KIF13B: variants seen among roughly 807,000 people sequenced by gnomAD.
KIF13B encodes kinesin-like protein KIF13B.
KIF13B carries 127 observed loss-of-function variants against 222.0 expected under a neutral mutation model. The ratio of observed to expected loss-of-function variants is 0.57; its 90% CI spans 0.50 to 0.66. The LOEUF is 0.66. Ranked by LOEUF, KIF13B falls within the 30% of genes least tolerant of loss-of-function variation. KIF13B has a pLI of 0.00. For missense variants in KIF13B, 2,173 were observed against 2,379.0 expected, an observed-to-expected ratio of 0.91 and a Z score of 1.80; for synonymous variants, 976 against 919.0, an observed-to-expected ratio of 1.06 and a Z score of -1.12.
At chr8:29,174,759 T>C (rs548643518) in intron 10 of KIF13B, among the ~76,000 whole-genome samples, 1 of 152,234 alleles carries the variant, frequency 6.6e-6, no homozygotes, top group African/African-American at 2.4e-5. Flanking sequence ...TACTGAATTT[T>C]AGCATTACAT....
chr8:29,154,458 T>C (rs375618338), intron 14 of KIF13B, among the ~76,000 whole-genome samples: 1 of 152,198 alleles, frequency 6.6e-6, no homozygotes, highest in East Asian at 1.9e-4. Context: ...ATTTTGGCTC[T>C]GGGTGGATGA....
At chr8:29,192,017 G>A (rs569068676) in intron 3 of KIF13B, among the ~76,000 whole-genome samples, 3 of 152,314 alleles carry the variant, frequency 2.0e-5, no homozygotes, top group East Asian at 3.9e-4. Flanking sequence ...TTAGCAGGGA[G>A]TGTTTATTTT....
At chr8:29,125,203 G>A (rs1206472232) in intron 26 of KIF13B, among the ~76,000 whole-genome samples, 2 of 152,058 alleles carry the variant, frequency 1.3e-5, no homozygotes, top group African/African-American at 4.8e-5. Flanking sequence ...TGCATTTTGT[G>A]GGGCAACAGG....
chr8:29,213,041 T>C (rs1814301525), intron 2 of KIF13B, among the ~76,000 whole-genome samples: 1 of 152,244 alleles, frequency 6.6e-6, no homozygotes, highest in Non-Finnish European at 1.5e-5. Context: ...TAAGAAGTAG[T>C]ACTCTGCACT....
At chr8:29,245,032 C>T (rs999625555) in intron 2 of KIF13B, among the ~76,000 whole-genome samples, 1 of 152,184 alleles carries the variant, frequency 6.6e-6, no homozygotes, top group Non-Finnish European at 1.5e-5. Flanking sequence ...GCTAAGGAAC[C>T]GACTTACATC....
chr8:29,136,505 G>C (rs1364233260), intron 21 of KIF13B, among the ~76,000 whole-genome samples: 1 of 152,036 alleles, frequency 6.6e-6, no homozygotes, highest in Non-Finnish European at 1.5e-5. Context: ...ACTTGAATCC[G>C]GGAGGAGGTG....
In KIF13B at chr8:29,188,524, C is replaced by A. The variant is rs1436255257; in HGVS notation, c.307G>T (p.Gly103Ter). 1 of 1,597,944 alleles carries A rather than the reference C, an allele frequency of 6.3e-7. No homozygotes were observed. The highest frequency in any genetic ancestry group is 8.6e-7 in the Non-Finnish European group (1 of 1,166,622). The part of the protein sequence containing the change: ...DGYNACIFAY[G>*]QTGSGKSYTM... ...TGTTATTTAACATTACCAGTCTGTC[C>A]ATAGGCAAAGATACATGCATTGTAG... Residue 103 changes from glycine to a stop codon, truncating the protein, a stop_gained, in exon 5 of 40, where the codon GGA becomes TGA. Coordinates refer to ENST00000524189, the MANE Select transcript of KIF13B (RefSeq NM_015254.4). LOFTEE classifies it high-confidence loss of function.
At chr8:29,191,476 C>T (rs1813184557) in intron 3 of KIF13B, among the ~76,000 whole-genome samples, 1 of 151,980 alleles carries the variant, frequency 6.6e-6, no homozygotes, top group African/African-American at 2.4e-5. Flanking sequence ...CTTAAAATAG[C>T]AGAATGTTTA....
In KIF13B at chr8:29,219,843, G is replaced by A. The variant is rs190756118; in HGVS notation, c.150-23644C>T. ...TGTGGGAGGCCAAGGCAGGCAGATC[G>A]CTTGAACCCAGGAATTCAAGACCAG... On this transcript the variant is annotated intron_variant, in intron 2 of 39. Coordinates refer to ENST00000524189, the MANE Select transcript of KIF13B (RefSeq NM_015254.4). Among the ~76,000 whole-genome samples, 7 of 152,070 alleles carry A rather than the reference G, an allele frequency of 4.6e-5. No individual in the cohort carries two copies. In the East Asian group the frequency reaches 1.3e-3, roughly 29 times the overall value.
intron 2 of KIF13B, among the ~76,000 whole-genome samples, chr8:29,235,518 T>C (rs1815468814): frequency 6.6e-6 from 1 of 152,128 alleles, no homozygotes; most frequent in Non-Finnish European, 1.5e-5. Flanking sequence ...GAACGAGCAC[T>C]AACAGAACCA....
chr8:29,245,155 C>G (rs925061176), intron 2 of KIF13B, among the ~76,000 whole-genome samples, 191 bp downstream of exon 2: 1 of 152,230 alleles, frequency 6.6e-6, no homozygotes, highest in Non-Finnish European at 1.5e-5. Context: ...ACCTCTAATA[C>G]TCATTCAGGC....
rs549260001 is a variant in KIF13B at position 29,137,810 on chromosome 8, T to C, written c.2613+2253A>G. ...AATACACAAGATGAGATCGGAATATTCATCACACCGGAAAACAAGAAAGCT... is the reference window on the plus strand; with the variant it reads ...AATACACAAGATGAGATCGGAATATCCATCACACCGGAAAACAAGAAAGCT... On this transcript the variant is annotated intron_variant, in intron 21 of 39. Coordinates refer to ENST00000524189, the MANE Select transcript of KIF13B (RefSeq NM_015254.4). Among the ~76,000 whole-genome samples the C allele has an allele frequency of 1.9e-4, 29 of 152,292 alleles. 1 individual carries two copies. In the South Asian group the frequency reaches 6.0e-3, roughly 32 times the overall value.
rs1323769241 is a variant in KIF13B at position 29,092,773 on chromosome 8, C to T, written c.4430G>A (p.Gly1477Asp). 1.9e-6 allele frequency: 3 copies of T among 1,613,436 alleles called. No homozygotes were observed. The highest frequency in any genetic ancestry group is 1.1e-5 in the South Asian group (1 of 90,908). ...SLFPVRDEKR[G>D]KRPSPLAHQP... is the part of the protein sequence containing the mutation. ...GTGTGCGAGGGGAGACGGCCGCTTGCCCCTCTTCTCATCGCGGACGGGAAA... is the reference window on the plus strand; with the variant it reads ...GTGTGCGAGGGGAGACGGCCGCTTGTCCCTCTTCTCATCGCGGACGGGAAA... Residue 1477 changes from glycine to aspartate, a missense_variant, in exon 37 of 40, where the codon GGC (glycine) becomes GAC (aspartate). By Grantham distance (94) the Gly-to-Asp change is moderately conservative. Transcript: ENST00000524189.
rs1481498849 is a variant in KIF13B at position 29,251,140 on chromosome 8, G to GC, written c.56-5702_56-5701insG. On this transcript the variant is annotated intron_variant, in intron 1 of 39. Coordinates refer to ENST00000524189, the MANE Select transcript of KIF13B (RefSeq NM_015254.4). ...CACTCCAGCCTGGGCAACGAGGGGA[G>GC]ACCCTGTCTGGAAGAAAAAAAAAGG... Among the ~76,000 whole-genome samples, 4 of 152,064 alleles carry GC rather than the reference G, an allele frequency of 2.6e-5. No homozygotes were observed. In the East Asian group the frequency reaches 7.7e-4, roughly 29 times the overall value.
chr8:29,124,045 G>A lies in KIF13B; in HGVS notation c.3331C>T (p.Gln1111Ter). 6.2e-7 allele frequency: 1 copy of A among 1,610,070 alleles called. No homozygotes were observed. Among genetic ancestry groups the A allele is most frequent in the Non-Finnish European group, 8.5e-7 (1 of 1,176,714 alleles). Residue 1111 changes from glutamine (Q) to a stop codon, truncating the protein, a stop_gained, in exon 27 of 40, where the codon CAA becomes TAA. Transcript: ENST00000524189. LOFTEE classifies it high-confidence loss of function. Reference protein sequence around the residue: ...KRQEYLDQQLQKLVSKRDKTE... With the variant: ...KRQEYLDQQL ...CTACCACGTTTACTGACAAGCTTTT[G>A]CAATTGTTGATCCAAGTACTCCTGA...
chr8:29,169,100 G>A (rs1007479286), intron 10 of KIF13B, among the ~76,000 whole-genome samples: 1 of 152,168 alleles, frequency 6.6e-6, no homozygotes, highest in Non-Finnish European at 1.5e-5. Flanking sequence ...TTAACCTATG[G>A]AAAACTGCTT....
Position 29,176,430 on chromosome 8 carries a change from A to G in KIF13B, c.834-251T>C. Among the ~76,000 whole-genome samples the G allele has an allele frequency of 1.3e-5, 2 of 152,236 alleles. 1 individual carries two copies. Among genetic ancestry groups the G allele is most frequent in the Non-Finnish European group, 2.9e-5 (2 of 68,026 alleles). On this transcript the variant is annotated intron_variant, in intron 9 of 39. Coordinates refer to ENST00000524189, the MANE Select transcript of KIF13B (RefSeq NM_015254.4). ...ATGTGAGCTATAAATCTTCAGGTCAATATAACACCAAAACCATGTATCTTT... is the reference window on the plus strand; with the variant it reads ...ATGTGAGCTATAAATCTTCAGGTCAGTATAACACCAAAACCATGTATCTTT...
intron 22 of KIF13B, among the ~76,000 whole-genome samples, chr8:29,133,700 AAAGT>A (rs1282961958): frequency 3.9e-5 from 6 of 152,252 alleles, no homozygotes; most frequent in African/African-American, 1.4e-4. Context: ...GGTGCTCAAT[AAAGT>A]TAGTTCTTCT....
intron 6 of KIF13B, among the ~76,000 whole-genome samples, chr8:29,183,237 C>T (rs1268304770): frequency 1.3e-5 from 2 of 148,178 alleles, no homozygotes; most frequent in Admixed American, 6.8e-5. Flanking sequence ...CTGTAACCTC[C>T]GCTTCCCAGG....
Sources: allele counts gnomAD v4.1 joint callset (sites outside exome capture counted in the v4.1 genomes callset), GRCh38; gene constraint gnomAD v4.1.1; transcripts MANE v1.5; gene names NCBI Gene and HGNC (gene_info 2026-07-23, HGNC 2026-07-21).